The following ADAM12 variants were observed in gnomAD, a reference collection of about 807,000 sequenced individuals.
The protein encoded by ADAM12 is ADAM metallopeptidase domain 12.
A neutral mutation model predicts 106.4 loss-of-function variants in ADAM12; 70 were observed. The observed-to-expected ratio is 0.66, with a 90% CI of 0.54 to 0.80. ADAM12 has a LOEUF of 0.80. Ranked by LOEUF, ADAM12 falls within the 30% of genes least tolerant of loss-of-function variation. The probability of loss-of-function intolerance (pLI) is 0.00; values close to 1 mark genes in which losing one functional copy is unlikely to be tolerated. For synonymous variants in ADAM12, 420 were observed against 433.5 expected, an observed-to-expected ratio of 0.97 and a Z score of 0.39; for missense variants, 1,010 against 1,171.9, an observed-to-expected ratio of 0.86 and a Z score of 2.02.
At chr10:126,276,430 C>T (rs982400067) in intron 3 of ADAM12, among the ~76,000 whole-genome samples, 1 of 152,116 alleles carries the variant, frequency 6.6e-6, no homozygotes, top group South Asian at 2.1e-4. Flanking sequence ...GCATTACATG[C>T]TAGTAGTGCA....
intron 13 of ADAM12, among the ~76,000 whole-genome samples, chr10:126,065,573 C>A (rs1317302660): frequency 6.6e-6 from 1 of 152,098 alleles, no homozygotes; most frequent in Admixed American, 6.5e-5. Flanking sequence ...GCCATCTGAC[C>A]AATGGCTCAG....
chr10:126,226,155 G>C (rs1414775260), intron 3 of ADAM12, among the ~76,000 whole-genome samples: 1 of 146,386 alleles, frequency 6.8e-6, no homozygotes, highest in Non-Finnish European at 1.5e-5. Context: ...AATGAAACCG[G>C]GTGCTCTGCA....
intron 5 of ADAM12, among the ~76,000 whole-genome samples, chr10:126,121,140 A>AG (rs1335345367): frequency 4.8e-5 from 2 of 41,324 alleles, no homozygotes; most frequent in East Asian, 1.2e-3. Flanking sequence ...ACTATATACT[A>AG]TATATACTAT....
intron 7 of ADAM12, 129 bp downstream of exon 7, chr10:126,109,646 G>T: frequency 1.5e-6 from 1 of 675,466 alleles, no homozygotes; most frequent in Non-Finnish European, 2.4e-6. Context: ...TGTTTCAATG[G>T]GTTGTTTCCA....
At chr10:126,264,672 C>T (rs1428255431) in intron 3 of ADAM12, among the ~76,000 whole-genome samples, 3 of 152,142 alleles carry the variant, frequency 2.0e-5, no homozygotes, top group Admixed American at 1.3e-4. Context: ...TTGCCAATTA[C>T]GGCGATTTTC....
intron 2 of ADAM12, among the ~76,000 whole-genome samples, chr10:126,328,376 A>G (rs1374159875): frequency 1.3e-5 from 2 of 152,236 alleles, no homozygotes; most frequent in African/African-American, 4.8e-5. Flanking sequence ...TATGTTTTGT[A>G]TACTGAAGAT....
At chr10:126,310,137 TGACA>T (rs1402475376) in intron 2 of ADAM12, among the ~76,000 whole-genome samples, 1 of 146,094 alleles carries the variant, frequency 6.8e-6, no homozygotes, top group East Asian at 2.0e-4. Flanking sequence ...CCAGCCTGGG[TGACA>T]GAGTGAGACT....
chr10:126,111,564 G>C (rs190693098), intron 6 of ADAM12, among the ~76,000 whole-genome samples: 2 of 151,966 alleles, frequency 1.3e-5, no homozygotes, highest in African/African-American at 4.8e-5. Context: ...AAGGAATCTG[G>C]TTGTTTAGAC....
At chr10:126,047,527 T>TTA (rs1348091169) in intron 16 of ADAM12, among the ~76,000 whole-genome samples, 27 of 152,078 alleles carry the variant, frequency 1.8e-4, no homozygotes, top group Admixed American at 1.8e-3. Flanking sequence ...ACAAATTTGA[T>TTA]GATAAATTGA....
intron 1 of ADAM12, 115 bp from the exon 2 acceptor site, chr10:126,330,624 G>A (rs1357489443): frequency 2.4e-6 from 2 of 850,390 alleles, no homozygotes; most frequent in Non-Finnish European, 1.8e-6. Context: ...TAAGCCCAGG[G>A]AAACACTAGA....
intron 2 of ADAM12, among the ~76,000 whole-genome samples, chr10:126,299,715 C>G (rs941333536): frequency 6.6e-6 from 1 of 152,066 alleles, no homozygotes; most frequent in African/African-American, 2.4e-5. Flanking sequence ...GCAATGTCGG[C>G]TCACTGCAAA....
In ADAM12 at chr10:126,101,276, G is replaced by C. The variant is rs745525725; in HGVS notation, c.742-35C>G. ...ACAGGCAAAACTGGCATTGGAGTTG[G>C]GATCACGTTAATAAAAACTCGAAAT... On this transcript the variant is annotated intron_variant, in intron 8 of 22. Coordinates refer to ENST00000448723, the MANE Select transcript of ADAM12 (RefSeq NM_001288973.2). 3 of 1,596,816 alleles carry C rather than the reference G, an allele frequency of 1.9e-6. No homozygotes were observed. In the African/African-American group the frequency reaches 4.0e-5, roughly 21 times the overall value.
chr10:126,017,539 G>C (rs1414900434), intron 22 of ADAM12, among the ~76,000 whole-genome samples, 200 bp from the exon 23 acceptor site: 1 of 152,072 alleles, frequency 6.6e-6, no homozygotes, highest in Non-Finnish European at 1.5e-5. Flanking sequence ...GACCAGCACT[G>C]TCCCACAGAA....
At chr10:126,216,853 T>G (rs1481500649) in intron 3 of ADAM12, among the ~76,000 whole-genome samples, 2 of 152,340 alleles carry the variant, frequency 1.3e-5, no homozygotes, top group East Asian at 3.9e-4. Context: ...TGAAAGATGA[T>G]CCATGAGGTA....
At chr10:126,375,236 G>T (rs1856244885) in intron 1 of ADAM12, among the ~76,000 whole-genome samples, 1 of 150,220 alleles carries the variant, frequency 6.7e-6, no homozygotes, top group Non-Finnish European at 1.5e-5. Context: ...GAAGTGGTTT[G>T]CAAGAAGCCA....
At chr10:126,215,224 C>T (rs1202018770) in intron 3 of ADAM12, among the ~76,000 whole-genome samples, 1 of 152,196 alleles carries the variant, frequency 6.6e-6, no homozygotes, top group Non-Finnish European at 1.5e-5. Context: ...GCCTGGATGG[C>T]CTTTCCCTTT....
chr10:126,075,556 A>C (rs1309703485), intron 11 of ADAM12, among the ~76,000 whole-genome samples: 1 of 152,182 alleles, frequency 6.6e-6, no homozygotes, highest in African/African-American at 2.4e-5. Flanking sequence ...GGAGAAAAAA[A>C]TAAAAGAGCA....
intron 3 of ADAM12, among the ~76,000 whole-genome samples, chr10:126,181,476 C>T (rs968180233): frequency 5.9e-5 from 9 of 152,234 alleles, no homozygotes; most frequent in South Asian, 4.2e-4. Context: ...GATACCATGT[C>T]CTACTCAATT....
At position 126,208,827 on chromosome 10, in the gene ADAM12, C is replaced by T. The variant is rs571632718; in HGVS notation, c.261-53522G>A. Among the ~76,000 whole-genome samples the T allele has an allele frequency of 1.5e-4, 23 of 149,272 alleles. No homozygotes were observed. In the South Asian group the frequency reaches 3.7e-3, roughly 24 times the overall value. ...ATATCCATCAGAAACTCTTACACTG[C>T]GGGATAGAAAGGAGAAAAAAGAAAG... On this transcript the variant is annotated intron_variant, in intron 3 of 22. Transcript: ENST00000448723.
Sources: gnomAD v4.1 joint callset for allele counts (sites outside exome capture counted in the v4.1 genomes callset) on GRCh38, gnomAD v4.1.1 for gene constraint, MANE v1.5 for transcripts, NCBI Gene and HGNC (gene_info 2026-07-23, HGNC 2026-07-21) for gene names.